Variants in ZNF664 observed in about 807,000 individuals in gnomAD.
ZNF664 encodes zinc finger Organ of Corti 1.
A neutral mutation model predicts 18.2 loss-of-function variants in ZNF664; 10 were observed. That is an observed-to-expected ratio of 0.55 (90% confidence interval 0.34 to 0.93). The LOEUF is 0.93. ZNF664 is among the 40% of genes least tolerant of loss of function. ZNF664 has a pLI of 0.02. For missense variants in ZNF664, 193 were observed against 319.0 expected (o/e 0.61, Z 3.01); for synonymous variants, 119 against 104.2 (o/e 1.14, Z -0.86).
In ZNF664 at chr12:124,011,946, G is replaced by A; in HGVS notation, c.-199G>A. ...TATAATCGATAATAATACTGAGTGA[G>A]GAACACTATGCAGGAAGAAACCTTC... is the stretch of plus-strand genomic sequence containing the variant. On this transcript the variant is annotated 5_prime_UTR_variant, in exon 5 of 5. Transcript: ENST00000337815. 1 of 1,408,522 alleles carries A rather than the reference G, an allele frequency of 7.1e-7. No homozygotes were observed. Among genetic ancestry groups the A allele is most frequent in the Non-Finnish European group, 9.2e-7 (1 of 1,089,616 alleles). The allele number at this position is 1,408,522 out of a possible 1,614,324, so 87.3% of individuals were successfully genotyped here.
Position 124,005,482 on chromosome 12 carries a change from AATGT to A in ZNF664, c.-660-5898_-660-5895del, listed in dbSNP as rs1341064789. 1.3e-3 allele frequency among the ~76,000 whole-genome samples: 120 copies of A among 91,948 alleles called. 1 individual carries two copies. The South Asian group carries it at 0.013, about 10-fold the overall frequency. 60.3% of individuals were successfully genotyped at this position (91,948 alleles called of 152,430 possible). A position where few individuals can be genotyped will look rare whatever the true frequency, so the allele number is the denominator to read the frequency against. ...ATTTTGACTGGATGATAATTTATAG[AATGT>A]GTGTGTGTGTGTGTGTGTGTGTGTG... is the stretch of plus-strand genomic sequence containing the variant. On this transcript the variant is annotated intron_variant, in intron 3 of 4. Transcript: ENST00000337815.
chr12:124,004,615 A>G (rs11057413), intron 3 of ZNF664, among the ~76,000 whole-genome samples: 48,990 of 152,162 alleles, frequency 0.32, 8,096 homozygotes, highest in Middle Eastern at 0.37. Flanking sequence ...GATGGGTACC[A>G]GTCCATGGCC....
At position 124,014,850 on chromosome 12, in the gene ZNF664, T is replaced by C. The variant is rs1219269559; in HGVS notation, c.*1920T>C. 6.0e-6 allele frequency: 1 copy of C among 166,356 alleles called. No homozygotes were observed. The highest frequency in any genetic ancestry group is 1.5e-5 in the Non-Finnish European group (1 of 68,118). The allele number at this position is 166,356 out of a possible 1,614,324, so 10.3% of individuals were successfully genotyped here. On this transcript the variant is annotated 3_prime_UTR_variant, in exon 5 of 5. Coordinates refer to ENST00000337815, the MANE Select transcript of ZNF664 (RefSeq NM_152437.3). ...ACTAGAGATGGGATTTGGGGGTGAA[T>C]TTGTCAATATCTGGATTTTAATCCA... is the stretch of plus-strand genomic sequence containing the variant.
chr12:124,005,482 AATGTGT>A (rs935506952), intron 3 of ZNF664, among the ~76,000 whole-genome samples: 23 of 91,952 alleles, frequency 2.5e-4, no homozygotes, highest in East Asian at 7.1e-4. Flanking sequence ...TAATTTATAG[AATGTGT>A]GTGTGTGTGT....
intron 3 of ZNF664, among the ~76,000 whole-genome samples, chr12:124,000,274 C>T (rs1001170839): frequency 6.6e-6 from 1 of 152,168 alleles, no homozygotes; most frequent in Admixed American, 6.5e-5. Context: ...CTCCCCATTG[C>T]CCTCTCCTTC....
At chr12:123,985,920 T>C (rs1247659273) in intron 2 of ZNF664, among the ~76,000 whole-genome samples, 1 of 152,272 alleles carries the variant, frequency 6.6e-6, no homozygotes, top group Non-Finnish European at 1.5e-5. Context: ...TATAGACATT[T>C]AACATTTATT....
chr12:123,987,877 C>A, intron 2 of ZNF664, 166 bp from the exon 3 acceptor site: 1 of 841,292 alleles, frequency 1.2e-6, no homozygotes, highest in Non-Finnish European at 1.4e-6. Context: ...TTTGGACCTC[C>A]ATGCCTTGAA....
chr12:123,973,741 C>T, intron 1 of ZNF664, 145 bp from the exon 2 acceptor site: 6 of 1,208,934 alleles, frequency 5.0e-6, no homozygotes, highest in Non-Finnish European at 5.2e-6. Flanking sequence ...GAAGGGGGAG[C>T]GCTGCCGCCC....
At chr12:123,973,712 A>C (rs1334090434) in intron 1 of ZNF664, 174 bp from the exon 2 acceptor site, 1 of 1,119,784 alleles carries the variant, frequency 8.9e-7, no homozygotes, top group Non-Finnish European at 1.1e-6. Flanking sequence ...GCCAGGCTCC[A>C]TTGTTGTTGG....
At chr12:123,986,992 C>G (rs577005127) in intron 2 of ZNF664, among the ~76,000 whole-genome samples, 2 of 152,176 alleles carry the variant, frequency 1.3e-5, no homozygotes, top group African/African-American at 2.4e-5. Context: ...CATTTTCTTC[C>G]TGTTTTATTC....
chr12:124,005,482 A>AGTGTGTGTGTGT (rs751514633), intron 3 of ZNF664, among the ~76,000 whole-genome samples: 26 of 91,950 alleles, frequency 2.8e-4, no homozygotes, highest in East Asian at 1.2e-3. Context: ...TAATTTATAG[A>AGTGTGTGTGTGT]ATGTGTGTGT....
intron 3 of ZNF664, among the ~76,000 whole-genome samples, chr12:123,992,163 G>A (rs1306260642): frequency 2.0e-5 from 3 of 152,146 alleles, no homozygotes; most frequent in African/African-American, 7.2e-5. Context: ...AGTATGCGGG[G>A]CAGTAAGGAA....
At position 124,011,968 on chromosome 12, in the gene ZNF664, C is replaced by A; in HGVS notation, c.-177C>A. On this transcript the variant is annotated 5_prime_UTR_variant, in exon 5 of 5. Transcript: ENST00000337815. The stretch of plus-strand genomic sequence containing the variant: ...TGAGGAACACTATGCAGGAAGAAAC[C>A]TTCCGTAGAAAGACAGGCAGGGAAA... The A allele has an allele frequency of 7.0e-7, 1 of 1,425,196 alleles. No homozygotes were observed. Among genetic ancestry groups the A allele is most frequent in the Non-Finnish European group, 9.1e-7 (1 of 1,098,522 alleles). 88.3% of individuals were successfully genotyped at this position (1,425,196 alleles called of 1,614,324 possible). A position where few individuals can be genotyped will look rare whatever the true frequency, so the allele number is the denominator to read the frequency against.
rs1053705907 is a variant in ZNF664, at chr12:123,973,746, C to T, written c.-891-140C>T. 9.0e-6 allele frequency: 11 copies of T among 1,216,128 alleles called. No individual in the cohort carries two copies. The African/African-American group carries it at 1.4e-4, about 16-fold the overall frequency. The allele number at this position is 1,216,128 out of a possible 1,614,324, so 75.3% of individuals were successfully genotyped here. A position where few individuals can be genotyped will look rare whatever the true frequency, so the allele number is the denominator to read the frequency against. On this transcript the variant is annotated intron_variant, in intron 1 of 4. Coordinates refer to ENST00000337815, the MANE Select transcript of ZNF664 (RefSeq NM_152437.3). ...GGAGCCGAGGGAAGGGGGAGCGCTG[C>T]CGCCCTCGTCGCCCGTGGAGCCGCG...
chr12:123,987,879 T>C, intron 2 of ZNF664, 164 bp from the exon 3 acceptor site: 2 of 851,720 alleles, frequency 2.3e-6, no homozygotes, highest in Non-Finnish European at 2.8e-6. Flanking sequence ...TGGACCTCCA[T>C]GCCTTGAATC....
chr12:123,974,854 A>T (rs1956668321), intron 2 of ZNF664, among the ~76,000 whole-genome samples: 1 of 152,254 alleles, frequency 6.6e-6, no homozygotes, highest in African/African-American at 2.4e-5. Context: ...CCAAATTGAT[A>T]GCAGTTTAAG....
chr12:123,984,774 G>A (rs1956804759), intron 2 of ZNF664, among the ~76,000 whole-genome samples: 1 of 151,978 alleles, frequency 6.6e-6, no homozygotes, highest in Admixed American at 6.6e-5. Context: ...TGGAGATACA[G>A]GTAAGAAGAA....
chr12:123,996,182 T>TGCAATTTTCA lies in ZNF664; in HGVS notation c.-661+8045_-661+8054dup, dbSNP rs1427312815. Among the ~76,000 whole-genome samples, 5 of 152,232 alleles carry TGCAATTTTCA rather than the reference T, an allele frequency of 3.3e-5. 1 individual carries two copies. The highest frequency in any genetic ancestry group is 5.9e-5 in the Non-Finnish European group (4 of 68,036). On this transcript the variant is annotated intron_variant, in intron 3 of 4. Coordinates refer to ENST00000337815, the MANE Select transcript of ZNF664 (RefSeq NM_152437.3). The stretch of plus-strand genomic sequence containing the variant: ...ACTATAATAAATATGCATTGTTTTA[T>TGCAATTTTCA]GCAATTTTCAAAGCAACCTTAAGAG...
In ZNF664 at chr12:124,012,722, A is replaced by T; in HGVS notation, c.578A>T (p.His193Leu). 6.2e-7 allele frequency: 1 copy of T among 1,614,090 alleles called. No individual in the cohort carries two copies. The highest frequency in any genetic ancestry group is 8.5e-7 in the Non-Finnish European group (1 of 1,179,996). The part of the protein sequence containing the change: ...SSSLCIHQRV[H>L]TGEKPYRCCG... ...AGCCTCTGCATCCACCAGAGAGTCC[A>T]CACTGGAGAGAAACCCTATAGATGT... Residue 193 changes from histidine (H) to leucine (L), a missense_variant, in exon 5 of 5, where the codon CAC becomes CTC. Transcript: ENST00000337815.
Sources: allele counts gnomAD v4.1 joint callset (sites outside exome capture counted in the v4.1 genomes callset), GRCh38; gene constraint gnomAD v4.1.1; transcripts MANE v1.5; gene names NCBI Gene and HGNC (gene_info 2026-07-23, HGNC 2026-07-21).